LINGO2: variants seen among roughly 807,000 people sequenced by gnomAD.
LINGO2 encodes the protein leucine-rich repeat and immunoglobulin-like domain-containing nogo receptor-interacting protein 2.
LINGO2 carries 14 observed loss-of-function variants against 30.6 expected under a neutral mutation model. That is an observed-to-expected ratio of 0.46 (90% CI 0.30 to 0.72). The LOEUF (loss-of-function observed/expected upper bound fraction) is 0.72, where lower values mean the gene tolerates loss of function less well. Among genes scored for constraint, LINGO2 ranks in the 30% least tolerant of loss-of-function variants. The probability of loss-of-function intolerance (pLI) is 0.07; values close to 1 mark genes in which losing one functional copy is unlikely to be tolerated. For synonymous variants in LINGO2, 317 were observed against 288.5 expected, an observed-to-expected ratio of 1.10 and a Z score of -1.00; for missense variants, 729 against 751.7, an observed-to-expected ratio of 0.97 and a Z score of 0.35.
At chr9:29,106,399 T>A in the LINGO2 span, among the ~76,000 whole-genome samples, 1 of 152,172 alleles carries the variant, frequency 6.6e-6, no homozygotes, top group African/African-American at 2.4e-5. Context: ...AAAAATGGAA[T>A]CTATGAGTTA....
At chr9:28,007,725 TATC>T (rs147466764) in intron 5 of LINGO2, among the ~76,000 whole-genome samples, 1,559 of 152,254 alleles carry the variant, frequency 0.01, 29 homozygotes, top group African/African-American at 0.036. Flanking sequence ...TCCTAAATGT[TATC>T]ATTTTTTATT....
chr9:28,934,799 A>C, the LINGO2 span, among the ~76,000 whole-genome samples: 2 of 152,180 alleles, frequency 1.3e-5, no homozygotes, highest in African/African-American at 4.8e-5. Flanking sequence ...AAATTGCTTC[A>C]ATTTCCTCAA....
chr9:28,758,311 C>T, the LINGO2 span, among the ~76,000 whole-genome samples: 1 of 152,176 alleles, frequency 6.6e-6, no homozygotes, highest in Non-Finnish European at 1.5e-5. Flanking sequence ...TCTTAAGCCA[C>T]ATTTCATTGC....
At chr9:28,634,571 C>T (rs1336305545) in intron 1 of LINGO2, among the ~76,000 whole-genome samples, 8 of 151,030 alleles carry the variant, frequency 5.3e-5, no homozygotes, top group African/African-American at 1.7e-4. Context: ...CTGCAACCAC[C>T]GCCTTCCGAG....
the LINGO2 span, among the ~76,000 whole-genome samples, chr9:29,036,344 G>T: frequency 1.3e-5 from 2 of 151,904 alleles, no homozygotes; most frequent in African/African-American, 4.8e-5. Flanking sequence ...TTCATGAAAG[G>T]TCTAACATAT....
chr9:28,943,997 C>T, the LINGO2 span, among the ~76,000 whole-genome samples: 1 of 152,182 alleles, frequency 6.6e-6, no homozygotes, highest in Non-Finnish European at 1.5e-5. Context: ...TATATAGTGG[C>T]TTAACAGCAA....
At chr9:28,574,505 C>T (rs1400874084) in intron 1 of LINGO2, among the ~76,000 whole-genome samples, 1 of 152,138 alleles carries the variant, frequency 6.6e-6, no homozygotes, top group Non-Finnish European at 1.5e-5. Context: ...TCCACAGTAG[C>T]TGCTCTTTAT....
intron 5 of LINGO2, among the ~76,000 whole-genome samples, chr9:27,965,451 C>T (rs760234687): frequency 4.0e-5 from 6 of 150,938 alleles, no homozygotes; most frequent in Admixed American, 1.3e-4. Flanking sequence ...ACAATTTTCT[C>T]ATTTTCTCTC....
At chr9:28,224,876 ATACTAC>A (rs1425184517) in intron 4 of LINGO2, among the ~76,000 whole-genome samples, 1 of 152,192 alleles carries the variant, frequency 6.6e-6, no homozygotes, top group Non-Finnish European at 1.5e-5. Context: ...GAATCGAAAT[ATACTAC>A]TAAGCTATAG....
chr9:29,063,789 A>G, the LINGO2 span, among the ~76,000 whole-genome samples: 4 of 152,156 alleles, frequency 2.6e-5, no homozygotes, highest in African/African-American at 9.7e-5. Flanking sequence ...TTTTCATTGT[A>G]CATACTTTTA....
chr9:28,163,930 G>C (rs1328638280), intron 4 of LINGO2, among the ~76,000 whole-genome samples: 2 of 152,076 alleles, frequency 1.3e-5, no homozygotes, highest in East Asian at 3.9e-4. Flanking sequence ...ATATCTTTTG[G>C]CCCTGGCTTG....
chr9:28,256,327 A>G (rs1822381158), intron 4 of LINGO2, among the ~76,000 whole-genome samples: 1 of 151,908 alleles, frequency 6.6e-6, no homozygotes, highest in African/African-American at 2.4e-5. Flanking sequence ...AATATGCCTG[A>G]CAATTATATA....
At chr9:28,738,648 TG>T in the LINGO2 span, among the ~76,000 whole-genome samples, 1 of 151,994 alleles carries the variant, frequency 6.6e-6, no homozygotes, top group Non-Finnish European at 1.5e-5. Flanking sequence ...CAAAAATAGA[TG>T]CTAAATAAAA....
the LINGO2 span, among the ~76,000 whole-genome samples, chr9:29,020,304 A>G: frequency 1.3e-5 from 2 of 152,228 alleles, no homozygotes; most frequent in Non-Finnish European, 2.9e-5. Context: ...TATACCACAT[A>G]GTACTGTTAT....
At chr9:27,952,619 T>C (rs1021362450) in intron 5 of LINGO2, among the ~76,000 whole-genome samples, 9 of 152,200 alleles carry the variant, frequency 5.9e-5, no homozygotes, top group African/African-American at 2.2e-4. Flanking sequence ...TAAGGAATTA[T>C]ATCTAAATAT....
intron 1 of LINGO2, among the ~76,000 whole-genome samples, chr9:28,534,329 G>T (rs1031938951): frequency 2.6e-5 from 4 of 152,042 alleles, no homozygotes; most frequent in Non-Finnish European, 5.9e-5. Flanking sequence ...GCTTCATTCT[G>T]TTCTTTTGGA....
At position 28,375,081 on chromosome 9, in the gene LINGO2, C is replaced by A. The variant is rs551871754; in HGVS notation, c.-278-2213G>T. On this transcript the variant is annotated intron_variant, in intron 2 of 5. Transcript: ENST00000379992. The stretch of plus-strand genomic sequence containing the variant: ...AAATTCCAACCCCTTATCGCACACA[C>A]ACCCCTTAACACACACACACACACA... 2.2e-3 allele frequency among the ~76,000 whole-genome samples: 302 copies of A among 139,726 alleles called. 4 individuals carry two copies. The highest frequency in any genetic ancestry group is 0.015 in the Middle Eastern group (4 of 274). The allele number at this position is 139,726 out of a possible 152,430, so 91.7% of individuals were successfully genotyped here. A position where few individuals can be genotyped will look rare whatever the true frequency, so the allele number is the denominator to read the frequency against.
chr9:28,184,136 G>A (rs921807937), intron 4 of LINGO2, among the ~76,000 whole-genome samples: 1 of 152,152 alleles, frequency 6.6e-6, no homozygotes, highest in African/African-American at 2.4e-5. Flanking sequence ...CCTGTATGGG[G>A]AAGTTCTAAG....
At chr9:28,331,206 A>T (rs931020212) in intron 3 of LINGO2, among the ~76,000 whole-genome samples, 2 of 152,126 alleles carry the variant, frequency 1.3e-5, no homozygotes, top group African/African-American at 2.4e-5. Flanking sequence ...AAACATTATT[A>T]ATTAAAAATA....
Sources: gnomAD v4.1 joint callset for allele counts (sites outside exome capture counted in the v4.1 genomes callset) on GRCh38, gnomAD v4.1.1 for gene constraint, MANE v1.5 for transcripts, NCBI Gene and HGNC (gene_info 2026-07-23, HGNC 2026-07-21) for gene names.